GADL1: variants seen among roughly 807,000 people sequenced by gnomAD.
GADL1 encodes the protein GAD like acidic amino acid decarboxylase 1, also known as acidic amino acid decarboxylase GADL1.
In GADL1, 71 loss-of-function variants were observed where a neutral mutation model predicts 69.5. The ratio of observed to expected loss-of-function variants is 1.02; its 90% confidence interval spans 0.84 to 1.25. GADL1 has a LOEUF of 1.25. Among genes scored for constraint, GADL1 ranks in the 50% most tolerant of loss-of-function variants. GADL1 has a pLI of 0.00. For synonymous variants in GADL1, 254 were observed against 214.4 expected (o/e 1.18, Z -1.62); for missense variants, 737 against 631.8 (o/e 1.17, Z -1.79).
At chr3:30,779,793 T>C (rs1575201363) in intron 13 of GADL1, among the ~76,000 whole-genome samples, 3 of 152,328 alleles carry the variant, frequency 2.0e-5, no homozygotes, top group Middle Eastern at 6.8e-3. Context: ...AATCTACCCT[T>C]TTTGAGTGTC....
In GADL1 at chr3:30,752,527, G is replaced by A. The variant is rs567413431; in HGVS notation, c.1393-24112C>T. On this transcript the variant is annotated intron_variant, in intron 14 of 14. Coordinates refer to ENST00000282538, the MANE Select transcript of GADL1 (RefSeq NM_207359.3). Reference sequence around the variant, plus strand: ...GGCGATGAGGATGCTGTGGGACACTGTTTGCTTCTTTAAATCACCATAACC... The same window carrying A: ...GGCGATGAGGATGCTGTGGGACACTATTTGCTTCTTTAAATCACCATAACC... Among the ~76,000 whole-genome samples, 28 of 152,270 alleles carry A rather than the reference G, an allele frequency of 1.8e-4. No individual in the cohort carries two copies. In the South Asian group the frequency reaches 5.4e-3, roughly 29 times the overall value.
chr3:30,849,885 C>A lies in GADL1; in HGVS notation c.651+111G>T, dbSNP rs1316169566. ...AATGAAATACTATGTTATACTGCAG[C>A]ATATTAGTCACATGGGTATAGGACA... is the stretch of plus-strand genomic sequence containing the variant. On this transcript the variant is annotated intron_variant, in intron 6 of 14. Transcript: ENST00000282538. 3 of 646,262 alleles carry A rather than the reference C, an allele frequency of 4.6e-6. No individual in the cohort carries two copies. The East Asian group carries it at 8.2e-5, about 18-fold the overall frequency. 40.0% of individuals were successfully genotyped at this position (646,262 alleles called of 1,614,324 possible). A position where few individuals can be genotyped will look rare whatever the true frequency, so the allele number is the denominator to read the frequency against.
chr3:30,775,851 A>T (rs1003396854), intron 14 of GADL1, among the ~76,000 whole-genome samples: 6 of 152,126 alleles, frequency 3.9e-5, no homozygotes, highest in Admixed American at 6.5e-5. Context: ...AATCCCAACA[A>T]TTTGGGAGGC....
chr3:30,726,398 C>T lies in GADL1; in HGVS notation c.*1844G>A, dbSNP rs1695366860. On this transcript the variant is annotated 3_prime_UTR_variant, in exon 15 of 15. Transcript: ENST00000282538. The stretch of plus-strand genomic sequence containing the variant: ...AGTATAGTAATGTTCCTTTTTGTTT[C>T]ATGAAACCCAAATTGTTACAAACAT... 1 of 151,880 alleles carries T rather than the reference C, an allele frequency of 6.6e-6. No individual in the cohort carries two copies. Among genetic ancestry groups the T allele is most frequent in the South Asian group, 2.1e-4 (1 of 4,806 alleles). The allele number at this position is 151,880 out of a possible 1,614,324, so 9.4% of individuals were successfully genotyped here.
intron 1 of GADL1, among the ~76,000 whole-genome samples, chr3:30,891,272 C>T (rs1233662519): frequency 1.3e-5 from 2 of 152,248 alleles, no homozygotes; most frequent in African/African-American, 2.4e-5. Context: ...AACAGCAGAG[C>T]ACATATACAT....
In GADL1 at chr3:30,856,929, G is replaced by A. The variant is rs945193477; in HGVS notation, c.337+86C>T. The stretch of plus-strand genomic sequence containing the variant: ...TTGATCCAGATTTCTCGTTCCATAA[G>A]CATTGCTATACTCAGCTTTGAGAGG... On this transcript the variant is annotated intron_variant, in intron 3 of 14. Transcript: ENST00000282538. The A allele has an allele frequency of 9.4e-6, 10 of 1,068,440 alleles. No individual in the cohort carries two copies. The African/African-American group carries it at 9.6e-5, about 10-fold the overall frequency. 66.2% of individuals were successfully genotyped at this position (1,068,440 alleles called of 1,614,324 possible). A position where few individuals can be genotyped will look rare whatever the true frequency, so the allele number is the denominator to read the frequency against.
intron 14 of GADL1, among the ~76,000 whole-genome samples, chr3:30,761,625 C>T (rs1293043933): frequency 1.3e-5 from 2 of 152,020 alleles, no homozygotes; most frequent in East Asian, 3.8e-4. Context: ...AAACTTTATC[C>T]AATTGAAACT....
chr3:30,758,655 A>AAG (rs574693055), intron 14 of GADL1, among the ~76,000 whole-genome samples: 1 of 152,214 alleles, frequency 6.6e-6, no homozygotes, highest in Non-Finnish European at 1.5e-5. Context: ...TTGGTGGAAG[A>AAG]AGAGAGTAAA....
intron 11 of GADL1, among the ~76,000 whole-genome samples, chr3:30,831,551 T>C (rs529533112): frequency 1.3e-5 from 2 of 151,960 alleles, no homozygotes; most frequent in South Asian, 2.1e-4. Flanking sequence ...GGTGCAACAT[T>C]TCAAAATTAC....
chr3:30,802,617 T>C (rs77949791), intron 11 of GADL1, among the ~76,000 whole-genome samples: 64 of 152,322 alleles, frequency 4.2e-4, no homozygotes, highest in African/African-American at 1.5e-3. Flanking sequence ...TCTCAAGATA[T>C]CACATTTCAA....
chr3:30,834,100 G>A, intron 10 of GADL1, 117 bp downstream of exon 10: 1 of 1,021,668 alleles, frequency 9.8e-7, no homozygotes, highest in Non-Finnish European at 1.5e-6. Context: ...ATTTTTTGTT[G>A]TTGTTTATTT....
chr3:30,811,680 A>G (rs923351927), intron 11 of GADL1, among the ~76,000 whole-genome samples: 1 of 152,190 alleles, frequency 6.6e-6, no homozygotes, highest in African/African-American at 2.4e-5. Flanking sequence ...ATTTCAGTCT[A>G]TTCTGTTCTG....
chr3:30,826,876 T>C (rs1435674312), intron 11 of GADL1, among the ~76,000 whole-genome samples: 1 of 151,874 alleles, frequency 6.6e-6, no homozygotes, highest in African/African-American at 2.4e-5. Context: ...CTCTGAGGCA[T>C]GTAGATAAAA....
intron 1 of GADL1, among the ~76,000 whole-genome samples, chr3:30,889,237 T>C (rs1022403243): frequency 2.0e-5 from 3 of 152,088 alleles, no homozygotes; most frequent in Non-Finnish European, 4.4e-5. Context: ...GCAGTGGAAC[T>C]GCCCTTTATA....
Position 30,844,540 on chromosome 3 carries a change from A to G in GADL1, c.652-74T>C. The G allele has an allele frequency of 4.1e-6, 4 of 986,696 alleles. No homozygotes were observed. In the South Asian group the frequency reaches 5.3e-5, roughly 13 times the overall value. 61.1% of individuals were successfully genotyped at this position (986,696 alleles called of 1,614,324 possible). ...CAAAAAAAGCATTGCTTATTATCAAAGGTAGATGAAAGTATGGCTGAGCAC... is the reference window on the plus strand; with the variant it reads ...CAAAAAAAGCATTGCTTATTATCAAGGGTAGATGAAAGTATGGCTGAGCAC... On this transcript the variant is annotated intron_variant, in intron 6 of 14. Coordinates refer to ENST00000282538, the MANE Select transcript of GADL1 (RefSeq NM_207359.3).
At chr3:30,852,646 A>T (rs1039311202) in intron 4 of GADL1, among the ~76,000 whole-genome samples, 1 of 151,958 alleles carries the variant, frequency 6.6e-6, no homozygotes, top group Non-Finnish European at 1.5e-5. Context: ...TTCATAATAA[A>T]AAAAAAAAGT....
chr3:30,821,545 T>C (rs931610831), intron 11 of GADL1, among the ~76,000 whole-genome samples: 1 of 150,424 alleles, frequency 6.6e-6, no homozygotes, highest in East Asian at 1.9e-4. Context: ...TCATAAGAAG[T>C]TAAAAAGAAT....
intron 14 of GADL1, among the ~76,000 whole-genome samples, chr3:30,738,173 C>T (rs555846919): frequency 2.2e-4 from 34 of 152,162 alleles, no homozygotes; most frequent in Non-Finnish European, 4.1e-4. Flanking sequence ...CAAATGTCTG[C>T]CTATGTTGGG....
intron 14 of GADL1, among the ~76,000 whole-genome samples, chr3:30,745,312 A>G (rs1654438894): frequency 6.6e-6 from 1 of 152,238 alleles, no homozygotes; most frequent in Non-Finnish European, 1.5e-5. Context: ...ATTCAAACTT[A>G]CGGTAATGAA....
Sources: allele counts gnomAD v4.1 joint callset (sites outside exome capture counted in the v4.1 genomes callset), GRCh38; gene constraint gnomAD v4.1.1; transcripts MANE v1.5; gene names NCBI Gene and HGNC (gene_info 2026-07-23, HGNC 2026-07-21).